Variants in PRKCH observed in about 807,000 individuals in gnomAD.
PRKCH encodes protein kinase C eta type.
A neutral mutation model predicts 82.5 loss-of-function variants in PRKCH; 28 were observed. The observed-to-expected ratio is 0.34, with a 90% CI of 0.25 to 0.47. The LOEUF is 0.47. Among genes scored for constraint, PRKCH ranks in the 20% least tolerant of loss-of-function variants. PRKCH has a pLI of 1.00. For missense variants in PRKCH, 705 were observed against 881.8 expected, an observed-to-expected ratio of 0.80 and a Z score of 2.54; for synonymous variants, 322 against 327.4, an observed-to-expected ratio of 0.98 and a Z score of 0.18.
At chr14:61,207,106 CAAAAAAAA>C (rs71114196) in intron 1 of PRKCH, among the ~76,000 whole-genome samples, 2,694 of 49,104 alleles carry the variant, frequency 0.055, 134 homozygotes, top group African/African-American at 0.23. Context: ...AACTCCATCT[CAAAAAAAA>C]AAAAAAAAAA....
chr14:61,491,978 T>C (rs1466604265), intron 10 of PRKCH, among the ~76,000 whole-genome samples: 1 of 152,124 alleles, frequency 6.6e-6, no homozygotes, highest in Non-Finnish European at 1.5e-5. Context: ...TCTATCCAGT[T>C]AGGGAAAGAT....
intron 9 of PRKCH, among the ~76,000 whole-genome samples, chr14:61,458,177 C>G (rs757348338): frequency 1.3e-5 from 2 of 152,220 alleles, no homozygotes; most frequent in Non-Finnish European, 2.9e-5. Flanking sequence ...GACCCTTTGC[C>G]TGAAACCATG....
At chr14:61,377,759 C>G (rs577676112) in intron 1 of PRKCH, among the ~76,000 whole-genome samples, 21 of 152,348 alleles carry the variant, frequency 1.4e-4, no homozygotes, top group African/African-American at 4.6e-4. Flanking sequence ...CTTTCCACTG[C>G]TTTTGTTTGC....
At chr14:61,270,521 G>A (rs1388816111) in intron 1 of PRKCH, among the ~76,000 whole-genome samples, 2 of 152,166 alleles carry the variant, frequency 1.3e-5, no homozygotes, top group Non-Finnish European at 2.9e-5. Flanking sequence ...CTGGGCAGTA[G>A]TCCACCTAAT....
chr14:61,359,710 G>A (rs146801573), intron 1 of PRKCH, among the ~76,000 whole-genome samples: 2,124 of 152,240 alleles, frequency 0.014, 54 homozygotes, highest in African/African-American at 0.047. Flanking sequence ...TGAAAAGCTC[G>A]GGACATTTTA....
intron 7 of PRKCH, among the ~76,000 whole-genome samples, chr14:61,454,018 G>A (rs1407852133): frequency 6.6e-6 from 1 of 152,030 alleles, no homozygotes; most frequent in Non-Finnish European, 1.5e-5. Context: ...ACAGTTATAT[G>A]ACAAGAAATA....
At chr14:61,479,131 A>G (rs1018644696) in intron 9 of PRKCH, among the ~76,000 whole-genome samples, 3 of 151,810 alleles carry the variant, frequency 2.0e-5, no homozygotes, top group African/African-American at 7.3e-5. Context: ...GCCTCACTCT[A>G]TGTTTCTGCT....
At chr14:61,464,511 C>T (rs1885168966) in intron 9 of PRKCH, among the ~76,000 whole-genome samples, 1 of 152,054 alleles carries the variant, frequency 6.6e-6, no homozygotes, top group Non-Finnish European at 1.5e-5. Flanking sequence ...GGTTTTAAGC[C>T]CCGAATGCAT....
At chr14:61,254,935 C>CT (rs1322558671) in intron 1 of PRKCH, among the ~76,000 whole-genome samples, 2 of 152,188 alleles carry the variant, frequency 1.3e-5, no homozygotes, top group Non-Finnish European at 2.9e-5. Context: ...GTACTGCCGC[C>CT]TGCCAGGTTC....
intron 12 of PRKCH, among the ~76,000 whole-genome samples, chr14:61,536,224 A>G (rs1022983445): frequency 5.3e-5 from 8 of 152,200 alleles, no homozygotes; most frequent in Admixed American, 1.3e-4. Flanking sequence ...GTTTTAGCAC[A>G]ACTCATTTCT....
intron 10 of PRKCH, among the ~76,000 whole-genome samples, chr14:61,495,289 C>A (rs1304774302): frequency 6.6e-6 from 1 of 152,186 alleles, no homozygotes; most frequent in Non-Finnish European, 1.5e-5. Context: ...TCCTGGCATA[C>A]CTCCTCAGGG....
At chr14:61,366,768 G>A (rs1321370425) in intron 1 of PRKCH, among the ~76,000 whole-genome samples, 1 of 152,036 alleles carries the variant, frequency 6.6e-6, no homozygotes, top group East Asian at 1.9e-4. Context: ...ATGTTTATGT[G>A]TATACTTAGG....
At chr14:61,211,147 G>A (rs1436529015) in intron 1 of PRKCH, among the ~76,000 whole-genome samples, 27 of 152,168 alleles carry the variant, frequency 1.8e-4, no homozygotes, top group Admixed American at 1.8e-3. Flanking sequence ...AGAAGAAGCT[G>A]GTGCCCTTTG....
At chr14:61,474,830 C>T (rs1885659777) in intron 9 of PRKCH, among the ~76,000 whole-genome samples, 1 of 152,158 alleles carries the variant, frequency 6.6e-6, no homozygotes, top group African/African-American at 2.4e-5. Context: ...GAATCAAACT[C>T]AGAATAGCAT....
intron 1 of PRKCH, among the ~76,000 whole-genome samples, chr14:61,228,541 T>G (rs2044715551): frequency 6.6e-6 from 1 of 152,158 alleles, no homozygotes; most frequent in Non-Finnish European, 1.5e-5. Flanking sequence ...TCTTGAGGAC[T>G]TGCAATATTG....
chr14:61,234,245 TC>T (rs1381336973), intron 1 of PRKCH, among the ~76,000 whole-genome samples: 5 of 152,178 alleles, frequency 3.3e-5, no homozygotes, highest in African/African-American at 1.2e-4. Context: ...AGTTACCATT[TC>T]TTGCTTAGGA....
At chr14:61,266,572 T>C (rs1017882375) in intron 1 of PRKCH, among the ~76,000 whole-genome samples, 3 of 152,118 alleles carry the variant, frequency 2.0e-5, no homozygotes, top group Admixed American at 2.0e-4. Flanking sequence ...CAGGGAAACA[T>C]AGGAAAATCA....
chr14:61,233,515 T>C (rs2044761813), intron 1 of PRKCH, among the ~76,000 whole-genome samples: 1 of 152,214 alleles, frequency 6.6e-6, no homozygotes. Context: ...TCTGAGCCTC[T>C]CTCAAGGAAT....
rs566979049 is a variant in PRKCH at position 61,472,485 on chromosome 14, C to T, written c.1279-13017C>T. On this transcript the variant is annotated intron_variant, in intron 9 of 13. Transcript: ENST00000332981. ...ATGTTTCCCAACCAGCATGGGAAAA[C>T]GTGCTGATAGCAATATGATTGGGCT... Among the ~76,000 whole-genome samples, 10 of 152,216 alleles carry T rather than the reference C, an allele frequency of 6.6e-5. No individual in the cohort carries two copies. The South Asian group carries it at 8.3e-4, about 13-fold the overall frequency.
Sources: allele counts gnomAD v4.1 joint callset (sites outside exome capture counted in the v4.1 genomes callset), GRCh38; gene constraint gnomAD v4.1.1; transcripts MANE v1.5; gene names NCBI Gene and HGNC (gene_info 2026-07-23, HGNC 2026-07-21).